HEATR1: variants seen among roughly 807,000 people sequenced by gnomAD.
The protein encoded by HEATR1 is HEAT repeat containing 1, also known as HEAT repeat-containing protein 1.
In HEATR1, 77 loss-of-function variants were observed where a neutral mutation model predicts 248.2. The ratio of observed to expected loss-of-function variants is 0.31; its 90% CI spans 0.26 to 0.37. HEATR1 has a LOEUF of 0.37. Among genes scored for constraint, HEATR1 ranks in the 10% least tolerant of loss-of-function variants. The pLI, the probability that HEATR1 is intolerant of heterozygous loss-of-function variation, is 1.00. For missense variants in HEATR1, 2,420 were observed against 2,504.9 expected (o/e 0.97, Z 0.72); for synonymous variants, 897 against 923.1 (o/e 0.97, Z 0.51).
intron 35 of HEATR1, among the ~76,000 whole-genome samples, 154 bp from the exon 36 acceptor site, chr1:236,558,683 G>C (rs3806391): frequency 0.11 from 17,405 of 152,180 alleles, 1,869 homozygotes; most frequent in African/African-American, 0.28. Flanking sequence ...GTTCTAGCCA[G>C]TGTTTCACTT....
chr1:236,569,568 T>C (rs374450562), intron 28 of HEATR1, among the ~76,000 whole-genome samples: 2 of 152,140 alleles, frequency 1.3e-5, no homozygotes, highest in Non-Finnish European at 2.9e-5. Flanking sequence ...AAAAAATTCA[T>C]ACGAAAAGAA....
intron 18 of HEATR1, 27 bp from the exon 19 acceptor site, chr1:236,582,899 T>C: frequency 1.2e-6 from 2 of 1,612,280 alleles, no homozygotes; most frequent in Non-Finnish European, 1.7e-6. Context: ...AGAGAAATGA[T>C]GCTAGATCCT....
rs371251555 is a variant in HEATR1, at chr1:236,558,226, C to T, written c.5204+11G>A. 13 of 1,605,660 alleles carry T rather than the reference C, an allele frequency of 8.1e-6. No individual in the cohort carries two copies. The highest frequency in any genetic ancestry group is 3.4e-5 in the Admixed American group (2 of 59,066). ...GGTAACAGCTCCTGTTCCAAGTCTCCGGCCGCATACCTGGGAAGCTGGGGG... is the reference window on the plus strand; with the variant it reads ...GGTAACAGCTCCTGTTCCAAGTCTCTGGCCGCATACCTGGGAAGCTGGGGG... On this transcript the variant is annotated intron_variant, in intron 36 of 44. Transcript: ENST00000366582.
At position 236,572,422 on chromosome 1, in the gene HEATR1, G is replaced by C. The variant is rs747120147; in HGVS notation, c.3696C>G (p.Asn1232Lys). Residue 1232 changes from asparagine (N) to lysine (K), a missense_variant, in exon 26 of 45, where the codon AAC (asparagine) becomes AAG (lysine). Transcript: ENST00000366582. ...CCAAGTGTCATTACCTTGATAGCAA[G>C]TTAAAAAGAGTTGGCACCAATATCT... ...SPQILVPTLF[N>K]LLSRCLEPLP... 1 of 1,614,038 alleles carries C rather than the reference G, an allele frequency of 6.2e-7. No homozygotes were observed. The highest frequency in any genetic ancestry group is 1.1e-5 in the South Asian group (1 of 91,068).
At chr1:236,602,998 A>C (rs1664366173) in intron 3 of HEATR1, 162 bp downstream of exon 3, 3 of 601,012 alleles carry the variant, frequency 5.0e-6, no homozygotes, top group Non-Finnish European at 8.8e-6. Flanking sequence ...ACAAAAAAGA[A>C]TTTAAAGGCA....
At position 236,597,855 on chromosome 1, in the gene HEATR1, T is replaced by C. The variant is rs758664838; in HGVS notation, c.603+23A>G. On this transcript the variant is annotated intron_variant, in intron 5 of 44. Transcript: ENST00000366582. ...CAAGCAATCTTTTCATAAAATTATA[T>C]ACTCATGAAACAGACTGCTCACCTT... The C allele has an allele frequency of 1.1e-5, 16 of 1,450,936 alleles. No homozygotes were observed. In the Admixed American group the frequency reaches 1.9e-4, roughly 17 times the overall value. 89.9% of individuals were successfully genotyped at this position (1,450,936 alleles called of 1,614,324 possible).
In HEATR1 at chr1:236,586,334, C is replaced by T. The variant is rs1553284527; in HGVS notation, c.1834G>A (p.Asp612Asn). The T allele has an allele frequency of 6.2e-7, 1 of 1,613,034 alleles. No individual in the cohort carries two copies. The highest frequency in any genetic ancestry group is 8.5e-7 in the Non-Finnish European group (1 of 1,179,122). ...CLLPFMVINN[D>N]DTESAEMKIA... The stretch of plus-strand genomic sequence containing the variant: ...TTCATCTCAGCAGATTCCGTATCAT[C>T]ATTATTGATAACCATAAATGGCAGC... Residue 612 changes from aspartate to asparagine, a missense_variant, in exon 15 of 45, where the codon GAT becomes AAT. Coordinates refer to ENST00000366582, the MANE Select transcript of HEATR1 (RefSeq NM_018072.6).
intron 8 of HEATR1, 73 bp from the exon 9 acceptor site, chr1:236,594,187 A>G: frequency 1.0e-6 from 1 of 976,364 alleles, no homozygotes; most frequent in Non-Finnish European, 1.6e-6. Flanking sequence ...ATTCACTTAT[A>G]GCAGAAAATC....
At chr1:236,596,348 A>G (rs1235156215) in intron 6 of HEATR1, among the ~76,000 whole-genome samples, 1 of 152,156 alleles carries the variant, frequency 6.6e-6, no homozygotes, top group African/African-American at 2.4e-5. Flanking sequence ...TAGTAGGGAG[A>G]CCTCAATCAG....
chr1:236,554,898 CAATG>C, intron 41 of HEATR1, 146 bp from the exon 42 acceptor site: 1 of 693,334 alleles, frequency 1.4e-6, no homozygotes, highest in Non-Finnish European at 2.4e-6. Context: ...AGGCAGAACA[CAATG>C]GATGGTCTCT....
intron 13 of HEATR1, 57 bp from the exon 14 acceptor site, chr1:236,587,547 C>T: frequency 1.4e-6 from 1 of 712,150 alleles, no homozygotes. Context: ...ATGTATGGCG[C>T]TTTTTAAATG....
rs2103137750 is a variant in HEATR1, at chr1:236,576,274, C to T, written c.3029G>A (p.Cys1010Tyr). 1 of 1,609,826 alleles carries T rather than the reference C, an allele frequency of 6.2e-7. No individual in the cohort carries two copies. Reference sequence around the variant, plus strand: ...CAAATCTTTTGCTATATAAGATGGGCAACTATACACACAACTAAGTAAGTT... The same window carrying T: ...CAAATCTTTTGCTATATAAGATGGGTAACTATACACACAACTAAGTAAGTT... Reference protein sequence around the residue: ...LKNLLSCVYSCPSYIAKDLMK... With the variant: ...LKNLLSCVYSYPSYIAKDLMK... The change falls in exon 22 of 45, where the codon TGC becomes TAC. Residue 1010 changes from cysteine to tyrosine, a missense_variant. By Grantham distance (194) the Cys-to-Tyr change is radical. Coordinates refer to ENST00000366582, the MANE Select transcript of HEATR1 (RefSeq NM_018072.6).
At chr1:236,552,809 T>C (rs1421170339) in intron 43 of HEATR1, 2 of 152,204 alleles carry the variant, frequency 1.3e-5, no homozygotes, top group African/African-American at 4.8e-5. Context: ...CATTTGTAAC[T>C]ACCTAGATTC....
Position 236,603,073 on chromosome 1 carries a change from CTTTAA to C in HEATR1, c.359+82_359+86del, listed in dbSNP as rs1212993634. 3.1e-6 allele frequency: 3 copies of C among 957,238 alleles called. No homozygotes were observed. In the African/African-American group the frequency reaches 4.9e-5, roughly 16 times the overall value. The allele number at this position is 957,238 out of a possible 1,614,324, so 59.3% of individuals were successfully genotyped here. A position where few individuals can be genotyped will look rare whatever the true frequency, so the allele number is the denominator to read the frequency against. ...TCTCTTAATATACCTAATTTTTCAG[CTTTAA>C]TTTGATAAGTTCTCAACTACTTAAT... On this transcript the variant is annotated intron_variant, in intron 3 of 44. Transcript: ENST00000366582.
intron 32 of HEATR1, among the ~76,000 whole-genome samples, chr1:236,563,140 G>C (rs1197568681): frequency 6.6e-6 from 1 of 152,072 alleles, no homozygotes; most frequent in Admixed American, 6.6e-5. Flanking sequence ...GGAGATTCTT[G>C]TCCCTGACTG....
At chr1:236,597,029 G>A in intron 5 of HEATR1, 53 bp from the exon 6 acceptor site, 4 of 1,564,624 alleles carry the variant, frequency 2.6e-6, no homozygotes, top group Non-Finnish European at 3.5e-6. Flanking sequence ...GGAGGTAGAA[G>A]GATTGCTTGA....
rs752410401 is a variant in HEATR1 at position 236,581,385 on chromosome 1, G to T, written c.2592C>A (p.Phe864Leu). ...AGGTCCATAAAACAGAACAGAACTT[G>T]AATAACTGAAAAACATCTTCTAGAT... is the stretch of plus-strand genomic sequence containing the variant. ...KVHLEDVFQL[F>L]KFCSVLWTYG... Residue 864 changes from phenylalanine to leucine, a missense_variant, in exon 20 of 45, where the codon TTC (phenylalanine) becomes TTA (leucine). Coordinates refer to ENST00000366582, the MANE Select transcript of HEATR1 (RefSeq NM_018072.6). The T allele has an allele frequency of 3.9e-6, 6 of 1,519,338 alleles. No individual in the cohort carries two copies. The Admixed American group carries it at 9.3e-5, about 24-fold the overall frequency. 94.1% of individuals were successfully genotyped at this position (1,519,338 alleles called of 1,614,324 possible). A position where few individuals can be genotyped will look rare whatever the true frequency, so the allele number is the denominator to read the frequency against.
At chr1:236,567,841 G>A (rs1357289713) in intron 29 of HEATR1, among the ~76,000 whole-genome samples, 1 of 152,184 alleles carries the variant, frequency 6.6e-6, no homozygotes, top group Admixed American at 6.5e-5. Context: ...ACAGGATTTG[G>A]GTTGTGCCTC....
chr1:236,564,350 T>A (rs1248515787), intron 32 of HEATR1, 148 bp downstream of exon 32: 8 of 642,004 alleles, frequency 1.2e-5, no homozygotes, highest in Non-Finnish European at 1.6e-5. Flanking sequence ...CGGCTTTTCA[T>A]GGTGAAACGT....
Sources: allele counts gnomAD v4.1 joint callset (sites outside exome capture counted in the v4.1 genomes callset), GRCh38; gene constraint gnomAD v4.1.1; transcripts MANE v1.5; gene names NCBI Gene and HGNC (gene_info 2026-07-23, HGNC 2026-07-21).